The following PDE7B variants were observed in gnomAD, a reference collection of about 807,000 sequenced individuals.
PDE7B encodes the protein 3',5'-cyclic-AMP phosphodiesterase 7B.
In PDE7B, 29 loss-of-function variants were observed where a neutral mutation model predicts 56.2. The observed-to-expected ratio is 0.52, with a 90% confidence interval of 0.38 to 0.70. PDE7B has a LOEUF of 0.70. Ranked by LOEUF, PDE7B falls within the 30% of genes least tolerant of loss-of-function variation. The probability of loss-of-function intolerance (pLI) is 0.00; values close to 1 mark genes in which losing one functional copy is unlikely to be tolerated. For synonymous variants in PDE7B, 197 were observed against 196.9 expected (o/e 1.00, Z 0.00); for missense variants, 490 against 565.0 (o/e 0.87, Z 1.35).
chr6:135,921,134 T>C (rs1359756280), intron 1 of PDE7B, among the ~76,000 whole-genome samples: 1 of 152,126 alleles, frequency 6.6e-6, no homozygotes, highest in Non-Finnish European at 1.5e-5. Flanking sequence ...CCACACTTCT[T>C]TGAGTATAAA....
At chr6:136,045,130 T>C (rs1031071867) in intron 2 of PDE7B, among the ~76,000 whole-genome samples, 1 of 152,160 alleles carries the variant, frequency 6.6e-6, no homozygotes, top group African/African-American at 2.4e-5. Flanking sequence ...ACTCTTTAAT[T>C]TTCAGTACTC....
intron 2 of PDE7B, among the ~76,000 whole-genome samples, chr6:136,086,266 C>T (rs1435223693): frequency 6.6e-6 from 1 of 152,146 alleles, no homozygotes; most frequent in Non-Finnish European, 1.5e-5. Flanking sequence ...TCTTTTGCAT[C>T]TACTCTTATA....
At chr6:136,178,811 T>C (rs554187482) in intron 9 of PDE7B, among the ~76,000 whole-genome samples, 186 bp from the exon 10 acceptor site, 1 of 152,348 alleles carries the variant, frequency 6.6e-6, no homozygotes, top group African/African-American at 2.4e-5. Flanking sequence ...GCATGCTTCC[T>C]GTCCAAGGAC....
intron 2 of PDE7B, among the ~76,000 whole-genome samples, chr6:136,054,571 G>C (rs144683462): frequency 0.011 from 1,720 of 152,284 alleles, 35 homozygotes; most frequent in African/African-American, 0.038. Flanking sequence ...CTTTAAAGTA[G>C]TTTTTTCCAA....
intron 2 of PDE7B, among the ~76,000 whole-genome samples, chr6:136,080,651 C>G (rs1777191827): frequency 6.6e-6 from 1 of 152,206 alleles, no homozygotes; most frequent in Non-Finnish European, 1.5e-5. Context: ...TCTATCCACT[C>G]TCTATCCTAA....
intron 1 of PDE7B, among the ~76,000 whole-genome samples, chr6:135,869,616 T>C (rs550861994): frequency 6.6e-6 from 1 of 152,292 alleles, no homozygotes; most frequent in African/African-American, 2.4e-5. Flanking sequence ...CATAGACTAG[T>C]AGTTGTGACA....
At chr6:136,019,034 C>A (rs116939021) in intron 2 of PDE7B, among the ~76,000 whole-genome samples, 5 of 152,080 alleles carry the variant, frequency 3.3e-5, no homozygotes, top group Admixed American at 6.6e-5. Context: ...TATTAAAAGG[C>A]AGTCTCTGCT....
At chr6:135,899,237 A>G (rs995348079) in intron 1 of PDE7B, among the ~76,000 whole-genome samples, 2 of 152,136 alleles carry the variant, frequency 1.3e-5, no homozygotes, top group African/African-American at 4.8e-5. Context: ...TATTAGCAGC[A>G]TGAGAACAGA....
At chr6:135,964,497 A>G (rs1774959989) in intron 2 of PDE7B, among the ~76,000 whole-genome samples, 1 of 152,144 alleles carries the variant, frequency 6.6e-6, no homozygotes, top group Non-Finnish European at 1.5e-5. Context: ...ACCCATAATC[A>G]TTGTGACTCC....
chr6:136,151,345 G>T, intron 6 of PDE7B, 90 bp downstream of exon 6: 1 of 684,962 alleles, frequency 1.5e-6, no homozygotes, highest in East Asian at 2.6e-5. Context: ...AGATCCATAG[G>T]ATGATAGATG....
intron 4 of PDE7B, among the ~76,000 whole-genome samples, chr6:136,148,642 T>A (rs1778461360): frequency 6.6e-6 from 1 of 152,162 alleles, no homozygotes; most frequent in Middle Eastern, 3.2e-3. Flanking sequence ...TGCTTGTTTG[T>A]TGAGAGGAGA....
chr6:135,894,425 CCAAA>C (rs1231066386), intron 1 of PDE7B, among the ~76,000 whole-genome samples: 1 of 152,104 alleles, frequency 6.6e-6, no homozygotes, highest in Admixed American at 6.6e-5. Flanking sequence ...GGGAAATTAG[CCAAA>C]CACTTTTCCG....
At chr6:135,961,476 A>G (rs1774901979) in intron 2 of PDE7B, among the ~76,000 whole-genome samples, 1 of 152,136 alleles carries the variant, frequency 6.6e-6, no homozygotes, top group Non-Finnish European at 1.5e-5. Flanking sequence ...AAAACAGTTT[A>G]TGTAATAGCC....
intron 2 of PDE7B, among the ~76,000 whole-genome samples, chr6:136,070,661 G>A (rs1406516763): frequency 6.6e-6 from 1 of 151,834 alleles, no homozygotes; most frequent in East Asian, 1.9e-4. Context: ...TTTTTAATAC[G>A]TTAAGATACT....
Position 136,039,811 on chromosome 6 carries a change from G to A in PDE7B, c.83-68920G>A, listed in dbSNP as rs531277005. 3.3e-5 allele frequency among the ~76,000 whole-genome samples: 5 copies of A among 152,240 alleles called. No individual in the cohort carries two copies. In the East Asian group the frequency reaches 5.8e-4, roughly 18 times the overall value. On this transcript the variant is annotated intron_variant, in intron 2 of 12. Coordinates refer to ENST00000308191, the MANE Select transcript of PDE7B (RefSeq NM_018945.4). ...AACGCTAAACCAGTGTTGCATGTGA[G>A]TAGGGTAAGAAAAATGGAAAAACCC...
chr6:135,896,141 A>C (rs143245721), intron 1 of PDE7B, among the ~76,000 whole-genome samples: 2 of 152,284 alleles, frequency 1.3e-5, no homozygotes, highest in African/African-American at 4.8e-5. Context: ...AGAACATGCC[A>C]AACAACAGGT....
chr6:135,974,240 C>T (rs921029070), intron 2 of PDE7B, among the ~76,000 whole-genome samples: 4 of 151,932 alleles, frequency 2.6e-5, no homozygotes, highest in Admixed American at 2.6e-4. Context: ...ATTTTAAGTG[C>T]TATCAATATC....
intron 3 of PDE7B, among the ~76,000 whole-genome samples, chr6:136,111,627 A>G (rs189370139): frequency 6.6e-6 from 1 of 152,302 alleles, no homozygotes; most frequent in African/African-American, 2.4e-5. Context: ...ACTACTTCAT[A>G]TACTGTCTAT....
chr6:135,978,903 T>TA (rs1175364532), intron 2 of PDE7B, among the ~76,000 whole-genome samples: 2 of 152,014 alleles, frequency 1.3e-5, no homozygotes, highest in East Asian at 3.9e-4. Context: ...GGCCAGAACT[T>TA]CCAACACTAT....
Sources: gnomAD v4.1 joint callset for allele counts (sites outside exome capture counted in the v4.1 genomes callset) on GRCh38, gnomAD v4.1.1 for gene constraint, MANE v1.5 for transcripts, NCBI Gene and HGNC (gene_info 2026-07-23, HGNC 2026-07-21) for gene names.